Variants in DNAH3 observed in about 807,000 individuals in gnomAD.
The protein encoded by DNAH3 is axonemal beta dynein heavy chain 3.
Under a neutral mutation model 432.5 loss-of-function variants are expected in DNAH3, and 332 were observed. The observed-to-expected ratio is 0.77, with a 90% CI of 0.70 to 0.84. The LOEUF is 0.84. DNAH3 is among the 40% of genes least tolerant of loss of function. The pLI is 0.00. For missense variants in DNAH3, 4,861 were observed against 5,114.0 expected (o/e 0.95, Z 1.51); for synonymous variants, 1,956 against 1,900.2 (o/e 1.03, Z -0.76).
At position 21,040,509 on chromosome 16, in the gene DNAH3, G is replaced by C. The variant is rs547207901; in HGVS notation, c.4639-566C>G. Among the ~76,000 whole-genome samples the C allele has an allele frequency of 5.9e-5, 9 of 151,722 alleles. 1 individual carries two copies. The South Asian group carries it at 1.9e-3, about 32-fold the overall frequency. ...CCTCCCAAACACCTGGGGATTACAG[G>C]TGCCCAACACCAGGCCCAGCTAATT... On this transcript the variant is annotated intron_variant, in intron 32 of 61. Transcript: ENST00000261383.
intron 28 of DNAH3, among the ~76,000 whole-genome samples, chr16:21,052,650 TAGAG>T (rs766381469): frequency 1.3e-5 from 2 of 152,142 alleles, no homozygotes; most frequent in African/African-American, 2.4e-5. Context: ...CTAGACACAA[TAGAG>T]AGAGAAAGAG....
chr16:21,134,045 A>T, intron 7 of DNAH3: 1 of 485,864 alleles, frequency 2.1e-6, no homozygotes. Flanking sequence ...GCTTAGAGAC[A>T]GGCACAGGGT....
intron 26 of DNAH3, 37 bp from the exon 27 acceptor site, chr16:21,058,233 C>T: frequency 2.3e-6 from 3 of 1,318,590 alleles, no homozygotes; most frequent in Non-Finnish European, 3.3e-6. Flanking sequence ...AGGATCAGTT[C>T]ACGTGTGGTT....
At chr16:21,139,224 G>A (rs1410841008) in intron 5 of DNAH3, among the ~76,000 whole-genome samples, 4 of 143,522 alleles carry the variant, frequency 2.8e-5, no homozygotes, top group Non-Finnish European at 4.5e-5. Flanking sequence ...ACTGAAGAGT[G>A]TATTTCTCAT....
At chr16:20,995,577 A>G (rs970614823) in intron 44 of DNAH3, among the ~76,000 whole-genome samples, 1 of 152,060 alleles carries the variant, frequency 6.6e-6, no homozygotes, top group Non-Finnish European at 1.5e-5. Context: ...TTGGTTTCTT[A>G]TATGTTCAAA....
chr16:21,159,178 G>A, intron 1 of DNAH3: 1 of 831,860 alleles, frequency 1.2e-6, no homozygotes, highest in Non-Finnish European at 2.0e-6. Context: ...CTTCTCCACC[G>A]AGGTCCCCTT....
rs183846033 is a variant in DNAH3 at position 21,011,394 on chromosome 16, G to A, written c.6023-8187C>T. ...CTCACTGTATCACCCAGGCTGGAGT[G>A]CAGTGGTCACGCATGGCTGTAGGTG... On this transcript the variant is annotated intron_variant, in intron 41 of 61. Transcript: ENST00000261383. Among the ~76,000 whole-genome samples the A allele has an allele frequency of 6.6e-5, 10 of 152,286 alleles. No homozygotes were observed. The East Asian group carries it at 1.7e-3, about 26-fold the overall frequency.
chr16:20,987,936 T>C lies in DNAH3; in HGVS notation c.6725+6A>G, dbSNP rs2086287240. The stretch of plus-strand genomic sequence containing the variant: ...CACTATCCAGGAAGACAGAGAAACC[T>C]CTTACCTTAAAAACATCACATCAAA... On this transcript the variant is annotated splice_donor_region_variant and intron_variant, in intron 45 of 61. Transcript: ENST00000261383. 1 of 1,614,104 alleles carries C rather than the reference T, an allele frequency of 6.2e-7. No homozygotes were observed. The highest frequency in any genetic ancestry group is 8.5e-7 in the Non-Finnish European group (1 of 1,180,018).
intron 18 of DNAH3, among the ~76,000 whole-genome samples, chr16:21,091,057 G>A (rs369086533): frequency 1.3e-5 from 2 of 152,100 alleles, no homozygotes; most frequent in South Asian, 4.1e-4. Flanking sequence ...GGAGGTTGAG[G>A]TGGGAGGATC....
At chr16:21,077,454 T>C (rs1229183657) in intron 20 of DNAH3, among the ~76,000 whole-genome samples, 1 of 152,190 alleles carries the variant, frequency 6.6e-6, no homozygotes, top group Non-Finnish European at 1.5e-5. Flanking sequence ...TGAGCCACCA[T>C]GCCCGGCCAG....
At chr16:21,149,757 G>A (rs1168685338) in intron 1 of DNAH3, among the ~76,000 whole-genome samples, 2 of 152,146 alleles carry the variant, frequency 1.3e-5, no homozygotes, top group Admixed American at 6.6e-5. Context: ...AGGGAAGAAC[G>A]GGTGTCTATT....
chr16:21,011,429 T>C (rs527477715), intron 41 of DNAH3, among the ~76,000 whole-genome samples: 2 of 152,270 alleles, frequency 1.3e-5, no homozygotes, highest in South Asian at 2.1e-4. Context: ...GCATCACAGC[T>C]CACTGCAGCC....
chr16:21,085,054 T>C (rs1257359093), intron 19 of DNAH3, among the ~76,000 whole-genome samples: 1 of 150,106 alleles, frequency 6.7e-6, no homozygotes, highest in Admixed American at 6.7e-5. Context: ...CAACTCCTCC[T>C]CTGCGGATCC....
intron 5 of DNAH3, among the ~76,000 whole-genome samples, chr16:21,138,274 G>A (rs551585417): frequency 5.9e-4 from 90 of 151,966 alleles, no homozygotes; most frequent in Non-Finnish European, 9.6e-4. Flanking sequence ...AGAAAAAGAG[G>A]TTGCTGCTGC....
chr16:21,001,660 C>A (rs919630316), intron 42 of DNAH3, among the ~76,000 whole-genome samples: 1 of 152,062 alleles, frequency 6.6e-6, no homozygotes, highest in African/African-American at 2.4e-5. Flanking sequence ...CCTGTATTAC[C>A]CCCTACAGTC....
intron 3 of DNAH3, among the ~76,000 whole-genome samples, chr16:21,143,819 T>C (rs1005298668): frequency 3.3e-5 from 5 of 152,002 alleles, no homozygotes; most frequent in African/African-American, 1.2e-4. Flanking sequence ...AATCAGGAGT[T>C]GGAAAAGGGA....
At chr16:20,988,045 T>C in exon 45 of DNAH3, 3 of 1,614,142 alleles carry the variant, frequency 1.9e-6, no homozygotes, top group Non-Finnish European at 2.5e-6. Context: ...GAAATGATAT[T>C]CAGATGGCGA....
chr16:21,109,058 G>A (rs1418692493), intron 14 of DNAH3, among the ~76,000 whole-genome samples: 1 of 150,964 alleles, frequency 6.6e-6, no homozygotes, highest in Non-Finnish European at 1.5e-5. Context: ...GGGAGGCGGA[G>A]GTTGCAGTGA....
At chr16:21,036,023 T>C (rs1298881348) in intron 35 of DNAH3, among the ~76,000 whole-genome samples, 1 of 152,144 alleles carries the variant, frequency 6.6e-6, no homozygotes, top group Non-Finnish European at 1.5e-5. Context: ...TACAGAGGAC[T>C]GAGGATAAAA....
Sources: gnomAD v4.1 joint callset for allele counts (sites outside exome capture counted in the v4.1 genomes callset) on GRCh38, gnomAD v4.1.1 for gene constraint, MANE v1.5 for transcripts, NCBI Gene and HGNC (gene_info 2026-07-23, HGNC 2026-07-21) for gene names.